PCSK1: variants seen among roughly 807,000 people sequenced by gnomAD.
PCSK1 encodes the protein proprotein convertase subtilisin/kexin type 1.
In PCSK1, 56 loss-of-function variants were observed where a neutral mutation model predicts 90.6. The ratio of observed to expected loss-of-function variants is 0.62; its 90% confidence interval spans 0.50 to 0.77. The LOEUF (loss-of-function observed/expected upper bound fraction) is 0.77, where lower values mean the gene tolerates loss of function less well. PCSK1 is among the 30% of genes least tolerant of loss of function. The pLI is 0.00. For missense variants in PCSK1, 801 were observed against 932.6 expected (o/e 0.86, Z 1.84); for synonymous variants, 348 against 342.4 (o/e 1.02, Z -0.18).
chr5:96,413,450 GATATGAAAT>G (rs1288467458), intron 6 of PCSK1, among the ~76,000 whole-genome samples: 2 of 152,174 alleles, frequency 1.3e-5, no homozygotes, highest in Non-Finnish European at 2.9e-5. Flanking sequence ...AAGGTAAAAT[GATATGAAAT>G]TGATATGATC....
At chr5:96,416,142 A>T (rs1490881083) in intron 5 of PCSK1, 21 bp from the exon 6 acceptor site, 1 of 1,475,454 alleles carries the variant, frequency 6.8e-7, no homozygotes, top group South Asian at 1.1e-5. Context: ...AAAAATAAGA[A>T]TTATAAAACA....
chr5:96,397,844 A>T lies in PCSK1; in HGVS notation c.1589-375T>A, dbSNP rs1392488102. Among the ~76,000 whole-genome samples the T allele has an allele frequency of 6.6e-5, 10 of 152,224 alleles. No homozygotes were observed. The South Asian group carries it at 2.1e-3, about 32-fold the overall frequency. ...TATTTTAATGAAACTATCATTTCTG[A>T]AGTGTGAGAGGAAATCTTGAAAATT... On this transcript the variant is annotated intron_variant, in intron 11 of 13. Coordinates refer to ENST00000311106, the MANE Select transcript of PCSK1 (RefSeq NM_000439.5).
In PCSK1 at chr5:96,393,344, G is replaced by A. The variant is rs193015519; in HGVS notation, c.1919C>T (p.Thr640Ile). 2.5e-6 allele frequency: 4 copies of A among 1,614,084 alleles called. No homozygotes were observed. In the African/African-American group the frequency reaches 5.3e-5, roughly 22 times the overall value. The change falls in exon 14 of 14, where the codon ACC becomes ATC. Residue 640 changes from threonine (T) to isoleucine (I), a missense_variant. Coordinates refer to ENST00000311106, the MANE Select transcript of PCSK1 (RefSeq NM_000439.5). The part of the protein sequence containing the change: ...QPTQENPKEN[T>I]LVSKSPSSSS... Reference sequence around the variant, plus strand: ...GCTGCTGGGGCTTTTGGACACCAGGGTGTTCTCCTTAGGGTTCTCTTGTGT... The same window carrying A: ...GCTGCTGGGGCTTTTGGACACCAGGATGTTCTCCTTAGGGTTCTCTTGTGT...
chr5:96,433,243 C>G lies in PCSK1; in HGVS notation c.-201G>C. The G allele has an allele frequency of 1.6e-6, 1 of 614,672 alleles. No homozygotes were observed. The highest frequency in any genetic ancestry group is 1.9e-5 in the South Asian group (1 of 53,800). The allele number at this position is 614,672 out of a possible 1,614,324, so 38.1% of individuals were successfully genotyped here. On this transcript the variant is annotated 5_prime_UTR_variant, in exon 1 of 14. Transcript: ENST00000311106. ...TCAGTGAAGCGCTTCGGTCTCCAGG[C>G]TGAGTGGAGCCCCAGCCCTTCCCAG...
chr5:96,393,375 G>T lies in PCSK1; in HGVS notation c.1888C>A (p.Gln630Lys). ...TCCTTAGGGTTCTCTTGTGTGGGCT[G>T]CTCCTAAAACATAGAATGCCATCCA... ...VEKMVDPGEE[Q>K]PTQENPKENT... The change falls in exon 14 of 14, where the codon CAG becomes AAG. Residue 630 changes from glutamine (Q) to lysine (K), a missense_variant. Coordinates refer to ENST00000311106, the MANE Select transcript of PCSK1 (RefSeq NM_000439.5). The T allele has an allele frequency of 6.2e-7, 1 of 1,613,680 alleles. No individual in the cohort carries two copies. Among genetic ancestry groups the T allele is most frequent in the Non-Finnish European group, 8.5e-7 (1 of 1,179,898 alleles).
intron 9 of PCSK1, among the ~76,000 whole-genome samples, chr5:96,403,716 GA>G (rs1266228627): frequency 6.6e-6 from 1 of 152,192 alleles, no homozygotes; most frequent in Non-Finnish European, 1.5e-5. Flanking sequence ...ATTCCAGAGT[GA>G]AAAGTCTTAG....
intron 3 of PCSK1, among the ~76,000 whole-genome samples, chr5:96,424,967 A>G (rs1382808962): frequency 6.7e-6 from 1 of 149,680 alleles, no homozygotes; most frequent in Non-Finnish European, 1.5e-5. Context: ...CTGTCAAAAA[A>G]AAAAAGAAAG....
chr5:96,424,523 C>T (rs1761222779), intron 3 of PCSK1, among the ~76,000 whole-genome samples: 1 of 152,134 alleles, frequency 6.6e-6, no homozygotes, highest in African/African-American at 2.4e-5. Context: ...GTTAAATGGG[C>T]ATAATTACTA....
In PCSK1 at chr5:96,399,052, A is replaced by G; in HGVS notation, c.1431-16T>C. On this transcript the variant is annotated splice_polypyrimidine_tract_variant and intron_variant, in intron 10 of 13. Transcript: ENST00000311106. ...TTTCAGGGCTCTAAATACATTAAAGAATCAGCATTGAATAAAGTATATCCA... is the reference window on the plus strand; with the variant it reads ...TTTCAGGGCTCTAAATACATTAAAGGATCAGCATTGAATAAAGTATATCCA... The G allele has an allele frequency of 5.7e-6, 9 of 1,586,524 alleles. No homozygotes were observed. Among genetic ancestry groups the G allele is most frequent in the Non-Finnish European group, 6.9e-6 (8 of 1,158,516 alleles).
intron 9 of PCSK1, among the ~76,000 whole-genome samples, chr5:96,403,622 A>G (rs1034339686): frequency 1.3e-5 from 2 of 152,254 alleles, no homozygotes; most frequent in African/African-American, 4.8e-5. Flanking sequence ...ATATGTTTAC[A>G]GAAAATAAGG....
At chr5:96,403,279 T>C (rs1760446561) in intron 9 of PCSK1, among the ~76,000 whole-genome samples, 1 of 152,198 alleles carries the variant, frequency 6.6e-6, no homozygotes, top group Non-Finnish European at 1.5e-5. Context: ...TTTATTATTA[T>C]TATACTTTAA....
rs1327701164 is a variant in PCSK1, at chr5:96,397,433, T to C, written c.1625A>G (p.Asp542Gly). 5.0e-6 allele frequency: 8 copies of C among 1,612,602 alleles called. No individual in the cohort carries two copies. Among genetic ancestry groups the C allele is most frequent in the Admixed American group, 1.7e-5 (1 of 60,002 alleles). The stretch of plus-strand genomic sequence containing the variant: ...ATTCTTAAAGCCATTAGGAGATGTA[T>C]CCCGTTCTCTTTCAGCCAAGAGCAC... ...STVLLAERER[D>G]TSPNGFKNWD... is the part of the protein sequence containing the mutation. Residue 542 changes from aspartate to glycine, a missense_variant, in exon 12 of 14, where the codon GAT becomes GGT. Transcript: ENST00000311106.
At position 96,425,863 on chromosome 5, in the gene PCSK1, A is replaced by G; in HGVS notation, c.353T>C (p.Leu118Pro). ...SKRSALRDSA[L>P]NLFNDPMWNQ... is the part of the protein sequence containing the mutation. ...CCACATGGGATCATTGAAGAGATTT[A>G]GTGCTGAGTCCCTTAGAGCTGAACG... The change falls in exon 3 of 14, where the codon CTA (leucine) becomes CCA (proline). Residue 118 changes from leucine (L) to proline (P), a missense_variant. Transcript: ENST00000311106. 1 of 1,611,542 alleles carries G rather than the reference A, an allele frequency of 6.2e-7. No individual in the cohort carries two copies. The highest frequency in any genetic ancestry group is 1.1e-5 in the South Asian group (1 of 91,020).
intron 5 of PCSK1, among the ~76,000 whole-genome samples, chr5:96,419,134 G>A (rs948952302): frequency 9.2e-5 from 14 of 151,846 alleles, no homozygotes; most frequent in Non-Finnish European, 2.1e-4. Flanking sequence ...TAAATAACAA[G>A]TGTGACAAGA....
intron 12 of PCSK1, among the ~76,000 whole-genome samples, chr5:96,396,969 A>T (rs937468354): frequency 7.2e-5 from 11 of 152,242 alleles, no homozygotes; most frequent in African/African-American, 2.7e-4. Context: ...CTCTGGCAGA[A>T]TGTCACACCA....
chr5:96,401,086 CAAAAAAAAAAAAA>C (rs35928091), intron 9 of PCSK1, among the ~76,000 whole-genome samples: 15 of 70,576 alleles, frequency 2.1e-4, no homozygotes, highest in Middle Eastern at 0.012. Flanking sequence ...GACTCCGTCT[CAAAAAAAAAAAAA>C]AAAAAAAAAA....
chr5:96,429,314 C>T lies in PCSK1; in HGVS notation c.184G>A (p.Gly62Ser). 1 of 1,523,564 alleles carries T rather than the reference C, an allele frequency of 6.6e-7. No individual in the cohort carries two copies. The highest frequency in any genetic ancestry group is 1.4e-5 in the African/African-American group (1 of 73,176). 94.4% of individuals were successfully genotyped at this position (1,523,564 alleles called of 1,614,324 possible). Residue 62 changes from glycine (G) to serine (S), a missense_variant, in exon 2 of 14, where the codon GGT becomes AGT. Gly to Ser is a moderately conservative substitution (Grantham distance 56). Coordinates refer to ENST00000311106, the MANE Select transcript of PCSK1 (RefSeq NM_000439.5). Reference protein sequence around the residue: ...ELGYDLLGQIGSLENHYLFKH... With the variant: ...ELGYDLLGQISSLENHYLFKH... ...AATAAGTAGTGATTTTCAAGTGAAC[C>T]AATCTATAAAAGGAAAGAAATAAAA...
At chr5:96,428,402 G>T (rs1332119565) in intron 2 of PCSK1, among the ~76,000 whole-genome samples, 1 of 152,024 alleles carries the variant, frequency 6.6e-6, no homozygotes. Context: ...TTCCAGTATG[G>T]CATTTCTTTG....
At chr5:96,413,800 C>CAA (rs34702966) in intron 6 of PCSK1, among the ~76,000 whole-genome samples, 1 of 105,700 alleles carries the variant, frequency 9.5e-6, no homozygotes, top group East Asian at 2.8e-4. Context: ...GACTCTGTCT[C>CAA]AAAAAAAAAA....
Sources: allele counts gnomAD v4.1 joint callset (sites outside exome capture counted in the v4.1 genomes callset), GRCh38; gene constraint gnomAD v4.1.1; transcripts MANE v1.5; gene names NCBI Gene and HGNC (gene_info 2026-07-23, HGNC 2026-07-21).